LRRC4C: variants seen among roughly 807,000 people sequenced by gnomAD.
LRRC4C encodes leucine-rich repeat-containing protein 4C.
A neutral mutation model predicts 33.6 loss-of-function variants in LRRC4C; 5 were observed. The observed-to-expected ratio is 0.15, with a 90% CI of 0.08 to 0.31. The LOEUF (loss-of-function observed/expected upper bound fraction) is 0.31. Among genes scored for constraint, LRRC4C ranks in the 10% least tolerant of loss-of-function variants. LRRC4C has a pLI of 1.00. For missense variants in LRRC4C, 560 were observed against 796.7 expected, an observed-to-expected ratio of 0.70 and a Z score of 3.58; for synonymous variants, 329 against 302.0, an observed-to-expected ratio of 1.09 and a Z score of -0.93.
rs115347565 is a variant in LRRC4C at position 41,010,462 on chromosome 11, G to A, written c.-495-76739C>T. ...ACCAGGCATTCAAATGCTGAACTGAGAATACTTTTATACACAGGCAAAGCC... is the reference window on the plus strand; with the variant it reads ...ACCAGGCATTCAAATGCTGAACTGAAAATACTTTTATACACAGGCAAAGCC... On this transcript the variant is annotated intron_variant, in intron 1 of 6. Coordinates refer to ENST00000528697, the MANE Select transcript of LRRC4C (RefSeq NM_001258419.2). 4.8e-3 allele frequency among the ~76,000 whole-genome samples: 733 copies of A among 152,246 alleles called. 6 individuals are homozygous for A. Among genetic ancestry groups the A allele is most frequent in the African/African-American group, 0.017 (702 of 41,550 alleles).
At chr11:41,168,282 T>C (rs980170710) in intron 1 of LRRC4C, among the ~76,000 whole-genome samples, 2 of 152,180 alleles carry the variant, frequency 1.3e-5, no homozygotes, top group Non-Finnish European at 2.9e-5. Context: ...AAAAAACTGA[T>C]GAGCTAGCTA....
chr11:40,235,513 A>G (rs1865495436), intron 5 of LRRC4C, among the ~76,000 whole-genome samples: 1 of 152,228 alleles, frequency 6.6e-6, no homozygotes. Flanking sequence ...GGAGTTGAGA[A>G]TCAAGGCACA....
At chr11:41,455,544 C>T (rs755360177) in intron 1 of LRRC4C, among the ~76,000 whole-genome samples, 4 of 152,082 alleles carry the variant, frequency 2.6e-5, no homozygotes, top group Admixed American at 6.6e-5. Context: ...ATTTGGAAAA[C>T]GCCAAAACTA....
In LRRC4C at chr11:40,390,512, A is replaced by AATT. The variant is rs149965195; in HGVS notation, c.-269-70792_-269-70791insAAT. Among the ~76,000 whole-genome samples the AATT allele has an allele frequency of 4.1e-3, 628 of 152,334 alleles. 1 individual carries two copies. Among genetic ancestry groups the AATT allele is most frequent in the Non-Finnish European group, 5.5e-3 (373 of 68,034 alleles). On this transcript the variant is annotated intron_variant, in intron 3 of 6. Transcript: ENST00000528697. ...ACCTGATGAAAATTCATGGATTAGC[A>AATT]ATAATTGCTAACTTTTATTAAGCAT...
chr11:40,605,225 G>T (rs1435036637), intron 3 of LRRC4C, among the ~76,000 whole-genome samples: 1 of 151,964 alleles, frequency 6.6e-6, no homozygotes, highest in Non-Finnish European at 1.5e-5. Flanking sequence ...TTTTTAATGG[G>T]CTTAAAATTA....
At chr11:40,151,814 T>A (rs1012097311) in intron 5 of LRRC4C, among the ~76,000 whole-genome samples, 1 of 152,212 alleles carries the variant, frequency 6.6e-6, no homozygotes. Context: ...CTCTGTGAGT[T>A]GTTCCCAGAA....
chr11:41,090,108 T>C (rs1450173701), intron 1 of LRRC4C, among the ~76,000 whole-genome samples: 1 of 152,138 alleles, frequency 6.6e-6, no homozygotes, highest in Non-Finnish European at 1.5e-5. Context: ...TTGAAAATGA[T>C]GCTGCAAGGA....
At chr11:41,288,746 C>A (rs1175171910) in intron 1 of LRRC4C, among the ~76,000 whole-genome samples, 1 of 152,096 alleles carries the variant, frequency 6.6e-6, no homozygotes, top group Non-Finnish European at 1.5e-5. Context: ...AAAGTGTGGG[C>A]TAGAGCTGGG....
At chr11:41,123,492 T>C (rs1352538789) in intron 1 of LRRC4C, among the ~76,000 whole-genome samples, 1 of 150,978 alleles carries the variant, frequency 6.6e-6, no homozygotes, top group Non-Finnish European at 1.5e-5. Context: ...CGGGATGGTC[T>C]CGATCTCCTG....
At chr11:41,416,409 T>C (rs746487323) in intron 1 of LRRC4C, among the ~76,000 whole-genome samples, 3 of 152,014 alleles carry the variant, frequency 2.0e-5, no homozygotes, top group Non-Finnish European at 4.4e-5. Flanking sequence ...CACAAAGTCC[T>C]AAAACTTGGT....
chr11:40,591,216 A>G (rs1052848836), intron 3 of LRRC4C, among the ~76,000 whole-genome samples: 12 of 152,156 alleles, frequency 7.9e-5, no homozygotes, highest in Admixed American at 2.6e-4. Flanking sequence ...AAAGCGCAGT[A>G]TTCGGGTGGG....
At chr11:40,153,231 G>A (rs1858373754) in intron 5 of LRRC4C, among the ~76,000 whole-genome samples, 2 of 152,156 alleles carry the variant, frequency 1.3e-5, no homozygotes, top group Admixed American at 1.3e-4. Context: ...CATGTCCATA[G>A]GAAAAGTGGG....
chr11:40,273,415 CA>C (rs1261030332), intron 4 of LRRC4C, among the ~76,000 whole-genome samples: 2 of 152,084 alleles, frequency 1.3e-5, no homozygotes, highest in Non-Finnish European at 2.9e-5. Flanking sequence ...TACCTTAAGG[CA>C]ATGCTGCTTA....
At chr11:41,274,117 G>T (rs1949404588) in intron 1 of LRRC4C, among the ~76,000 whole-genome samples, 1 of 152,058 alleles carries the variant, frequency 6.6e-6, no homozygotes, top group African/African-American at 2.4e-5. Context: ...GGGAGGCTGG[G>T]GTGGCTGGAG....
At chr11:41,114,591 C>A (rs7926621) in intron 1 of LRRC4C, among the ~76,000 whole-genome samples, 10,423 of 152,018 alleles carry the variant, frequency 0.069, 413 homozygotes, top group Non-Finnish European at 0.095. Context: ...AACATTTCAT[C>A]CTCATAATCT....
intron 1 of LRRC4C, among the ~76,000 whole-genome samples, chr11:41,370,397 C>T (rs1236391725): frequency 6.6e-6 from 1 of 152,100 alleles, no homozygotes; most frequent in Non-Finnish European, 1.5e-5. Flanking sequence ...GAATTGTACT[C>T]CCATAATTCC....
intron 4 of LRRC4C, among the ~76,000 whole-genome samples, chr11:40,311,986 C>T (rs1021366548): frequency 6.8e-6 from 1 of 147,048 alleles, no homozygotes; most frequent in Non-Finnish European, 1.5e-5. Context: ...CTTTCATGTA[C>T]ATTACAGTGC....
rs547195684 is a variant in LRRC4C, at chr11:40,905,049, G to C, written c.-407+28586C>G. ...CTCAGTCTGATGAGACTCATCTTGG[G>C]AGTGAGAGAAAAGAGCCCAAGTCTG... is the stretch of plus-strand genomic sequence containing the variant. On this transcript the variant is annotated intron_variant, in intron 2 of 6. Coordinates refer to ENST00000528697, the MANE Select transcript of LRRC4C (RefSeq NM_001258419.2). 3.3e-5 allele frequency among the ~76,000 whole-genome samples: 5 copies of C among 152,228 alleles called. No homozygotes were observed. The South Asian group carries it at 1.0e-3, about 32-fold the overall frequency.
intron 2 of LRRC4C, among the ~76,000 whole-genome samples, chr11:40,928,376 G>A (rs114108330): frequency 0.021 from 3,236 of 151,674 alleles, 116 homozygotes; most frequent in African/African-American, 0.068. Context: ...ATTTAATTGA[G>A]GCACATCATG....
Sources: gnomAD v4.1 joint callset for allele counts (sites outside exome capture counted in the v4.1 genomes callset) on GRCh38, gnomAD v4.1.1 for gene constraint, MANE v1.5 for transcripts, NCBI Gene and HGNC (gene_info 2026-07-23, HGNC 2026-07-21) for gene names.